Variants in ST8SIA2 observed in about 807,000 individuals in gnomAD.
ST8SIA2 encodes the protein ST8 alpha-N-acetyl-neuraminide alpha-2,8-sialyltransferase 2, also known as alpha-2,8-sialyltransferase 8B.
In ST8SIA2, 22 loss-of-function variants were observed where a neutral mutation model predicts 37.6. The ratio of observed to expected loss-of-function variants is 0.58; its 90% CI spans 0.42 to 0.83. The LOEUF (loss-of-function observed/expected upper bound fraction) is 0.83, where lower values mean the gene tolerates loss of function less well. ST8SIA2 is among the 40% of genes least tolerant of loss of function. ST8SIA2 has a pLI of 0.00. For missense variants in ST8SIA2, 382 were observed against 484.7 expected, an observed-to-expected ratio of 0.79 and a Z score of 1.99; for synonymous variants, 205 against 201.2, an observed-to-expected ratio of 1.02 and a Z score of -0.16.
chr15:92,412,144 A>T lies in ST8SIA2; in HGVS notation c.99-17905A>T, dbSNP rs143885804. Among the ~76,000 whole-genome samples the T allele has an allele frequency of 9.8e-3, 1,486 of 152,292 alleles. 12 individuals are homozygous for T. The highest frequency in any genetic ancestry group is 0.027 in the Middle Eastern group (8 of 294). Reference sequence around the variant, plus strand: ...GAGAGGTCTCTGATAAAGGGGCCAGAGAGGGCATACTGGCCTTGCCGGAGG... The same window carrying T: ...GAGAGGTCTCTGATAAAGGGGCCAGTGAGGGCATACTGGCCTTGCCGGAGG... On this transcript the variant is annotated intron_variant, in intron 1 of 5. Coordinates refer to ENST00000268164, the MANE Select transcript of ST8SIA2 (RefSeq NM_006011.4).
intron 5 of ST8SIA2, among the ~76,000 whole-genome samples, chr15:92,445,435 A>G (rs1165280085): frequency 1.3e-5 from 2 of 152,220 alleles, no homozygotes; most frequent in Non-Finnish European, 2.9e-5. Flanking sequence ...ATGCGTAGTA[A>G]AATTGCGGTA....
rs575706030 is a variant in ST8SIA2, at chr15:92,457,865, G to A, written c.843-6235G>A. ...TGCCACTGAGCTCTGGATTCATTCC[G>A]GAGCCTCATTTGCTGTTAACACCTT... On this transcript the variant is annotated intron_variant, in intron 5 of 5. Transcript: ENST00000268164. 3.9e-5 allele frequency among the ~76,000 whole-genome samples: 6 copies of A among 152,246 alleles called. No individual in the cohort carries two copies. In the East Asian group the frequency reaches 7.7e-4, roughly 20 times the overall value.
chr15:92,462,879 T>G (rs1184160667), intron 5 of ST8SIA2, among the ~76,000 whole-genome samples: 1 of 152,252 alleles, frequency 6.6e-6, no homozygotes, highest in African/African-American at 2.4e-5. Flanking sequence ...CAGCATGCGT[T>G]CTGAGTCCCA....
At chr15:92,415,098 G>A (rs982299248) in intron 1 of ST8SIA2, among the ~76,000 whole-genome samples, 10 of 152,134 alleles carry the variant, frequency 6.6e-5, no homozygotes, top group African/African-American at 1.9e-4. Context: ...GCCAGGGCTG[G>A]CTTCCTCTTC....
intron 5 of ST8SIA2, among the ~76,000 whole-genome samples, chr15:92,458,801 G>A (rs1452764153): frequency 2.0e-5 from 3 of 152,114 alleles, no homozygotes; most frequent in Non-Finnish European, 2.9e-5. Flanking sequence ...ATAGGAGGAG[G>A]TGCCATGAAA....
At position 92,434,000 on chromosome 15, in the gene ST8SIA2, A is replaced by C. The variant is rs2049736180; in HGVS notation, c.162-247A>C. Among the ~76,000 whole-genome samples the C allele has an allele frequency of 2.0e-5, 3 of 152,018 alleles. 1 individual carries two copies. Among genetic ancestry groups the C allele is most frequent in the Admixed American group, 2.0e-4 (3 of 15,260 alleles). Reference sequence around the variant, plus strand: ...CAGGAAAAAAAAAATCACTAGGGGCAGGGGAAGAAGAATAAGTTTATCACC... The same window carrying C: ...CAGGAAAAAAAAAATCACTAGGGGCCGGGGAAGAAGAATAAGTTTATCACC... On this transcript the variant is annotated intron_variant, in intron 2 of 5. Transcript: ENST00000268164.
At chr15:92,402,363 G>A (rs564569676) in intron 1 of ST8SIA2, among the ~76,000 whole-genome samples, 1 of 152,294 alleles carries the variant, frequency 6.6e-6, no homozygotes, top group South Asian at 2.1e-4. Flanking sequence ...AACAGTCTGA[G>A]GAGGTCTATG....
intron 2 of ST8SIA2, 152 bp from the exon 3 acceptor site, chr15:92,434,095 A>T: frequency 9.5e-7 from 1 of 1,054,022 alleles, no homozygotes; most frequent in Non-Finnish European, 1.4e-6. Flanking sequence ...ACTGGAAGAT[A>T]AATAGACTTC....
At position 92,411,075 on chromosome 15, in the gene ST8SIA2, C is replaced by G. The variant is rs896092951; in HGVS notation, c.98+16913C>G. The stretch of plus-strand genomic sequence containing the variant: ...GCTGTCAAGGGCTGAAGAACTCAGA[C>G]TTGATTCTTTGAGGGTTTCTTTGGT... On this transcript the variant is annotated intron_variant, in intron 1 of 5. Coordinates refer to ENST00000268164, the MANE Select transcript of ST8SIA2 (RefSeq NM_006011.4). Among the ~76,000 whole-genome samples, 7 of 152,262 alleles carry G rather than the reference C, an allele frequency of 4.6e-5. No homozygotes were observed. In the South Asian group the frequency reaches 1.5e-3, roughly 32 times the overall value.
intron 1 of ST8SIA2, among the ~76,000 whole-genome samples, chr15:92,416,188 A>C (rs1435302362): frequency 8.8e-6 from 1 of 113,458 alleles, no homozygotes; most frequent in Non-Finnish European, 1.7e-5. Flanking sequence ...ACTCACCCTC[A>C]GGTGGACGAG....
At chr15:92,418,440 C>T (rs12592896) in intron 1 of ST8SIA2, among the ~76,000 whole-genome samples, 61,359 of 137,788 alleles carry the variant, frequency 0.45, 14,363 homozygotes, top group East Asian at 0.7. Context: ...CTAGTCTGGG[C>T]GACAGGAGTG....
intron 1 of ST8SIA2, among the ~76,000 whole-genome samples, chr15:92,418,991 G>T (rs900950752): frequency 1.3e-5 from 2 of 152,130 alleles, no homozygotes. Flanking sequence ...CTTAGCCGCA[G>T]CATGTTTCCT....
intron 3 of ST8SIA2, among the ~76,000 whole-genome samples, chr15:92,438,016 G>A (rs760480778): frequency 3.4e-4 from 51 of 152,200 alleles, no homozygotes; most frequent in Non-Finnish European, 6.6e-4. Flanking sequence ...CAGTCCTGGG[G>A]AAACTGGGGT....
chr15:92,428,418 T>G (rs911820780), intron 1 of ST8SIA2, among the ~76,000 whole-genome samples: 1 of 152,202 alleles, frequency 6.6e-6, no homozygotes, highest in Non-Finnish European at 1.5e-5. Context: ...TTCCAAACTA[T>G]TTATAGAATT....
At chr15:92,397,930 C>T (rs11638862) in intron 1 of ST8SIA2, among the ~76,000 whole-genome samples, 47,656 of 152,032 alleles carry the variant, frequency 0.31, 8,753 homozygotes, top group Non-Finnish European at 0.41. Context: ...GTCAGGAGTT[C>T]GAGACCAGAC....
chr15:92,409,482 G>C (rs1265426756), intron 1 of ST8SIA2, among the ~76,000 whole-genome samples: 1 of 152,088 alleles, frequency 6.6e-6, no homozygotes, highest in Non-Finnish European at 1.5e-5. Context: ...TGCCGGAGAG[G>C]GTTGTTCTGT....
At chr15:92,419,344 C>T (rs971193892) in intron 1 of ST8SIA2, among the ~76,000 whole-genome samples, 28 of 152,124 alleles carry the variant, frequency 1.8e-4, no homozygotes, top group African/African-American at 6.3e-4. Context: ...AGAGAGAAAT[C>T]GCTGAGGGGA....
At chr15:92,412,389 G>T (rs1345279526) in intron 1 of ST8SIA2, among the ~76,000 whole-genome samples, 3 of 151,792 alleles carry the variant, frequency 2.0e-5, no homozygotes, top group African/African-American at 7.3e-5. Flanking sequence ...GAGATGAAGG[G>T]GTGAGCAGGG....
At chr15:92,454,913 G>GC (rs1027699271) in intron 5 of ST8SIA2, among the ~76,000 whole-genome samples, 1 of 152,072 alleles carries the variant, frequency 6.6e-6, no homozygotes, top group Non-Finnish European at 1.5e-5. Context: ...AGAGACGGTG[G>GC]CCCCTCAGGC....
Sources: allele counts gnomAD v4.1 joint callset (sites outside exome capture counted in the v4.1 genomes callset), GRCh38; gene constraint gnomAD v4.1.1; transcripts MANE v1.5; gene names NCBI Gene and HGNC (gene_info 2026-07-23, HGNC 2026-07-21).